CD163L1: variants seen among roughly 807,000 people sequenced by gnomAD.
CD163L1 encodes the protein CD163 molecule like 1, also known as scavenger receptor cysteine-rich type 1 protein M160.
In CD163L1, 124 loss-of-function variants were observed where a neutral mutation model predicts 165.4. That is an observed-to-expected ratio of 0.75 (90% CI 0.65 to 0.87). The LOEUF is 0.87. CD163L1 is among the 40% of genes least tolerant of loss of function. CD163L1 has a pLI of 0.00. For synonymous variants in CD163L1, 585 were observed against 662.2 expected (o/e 0.88, Z 1.79); for missense variants, 1,525 against 1,799.9 (o/e 0.85, Z 2.76).
the CD163L1 span, among the ~76,000 whole-genome samples, chr12:7,340,071 G>A: frequency 0.058 from 8,866 of 152,122 alleles, 311 homozygotes; most frequent in African/African-American, 0.096. Context: ...CTTTTCTGCT[G>A]TCTTTTTGGC....
chr12:7,415,183 CAT>C (rs1948212241), intron 4 of CD163L1, among the ~76,000 whole-genome samples: 1 of 151,948 alleles, frequency 6.6e-6, no homozygotes, highest in South Asian at 2.1e-4. Context: ...ACATGAACAA[CAT>C]AATCAATAAA....
the CD163L1 span, among the ~76,000 whole-genome samples, chr12:7,334,743 C>T: frequency 3.3e-5 from 5 of 152,178 alleles, no homozygotes; most frequent in Admixed American, 2.0e-4. Context: ...TAGAAAACCC[C>T]ATTGTCTCAG....
intron 13 of CD163L1, 30 bp from the exon 14 acceptor site, chr12:7,373,670 A>G: frequency 1.3e-6 from 2 of 1,521,368 alleles, no homozygotes; most frequent in South Asian, 1.3e-5. Flanking sequence ...TTAGTATTAA[A>G]TATTTCCTTT....
At chr12:7,440,753 A>G (rs1948821378) in intron 2 of CD163L1, among the ~76,000 whole-genome samples, 1 of 151,490 alleles carries the variant, frequency 6.6e-6, no homozygotes, top group Non-Finnish European at 1.5e-5. Context: ...CAGCCCCCCA[A>G]GTAGCTGGGG....
intron 4 of CD163L1, among the ~76,000 whole-genome samples, chr12:7,421,727 A>G (rs1948440820): frequency 8.8e-6 from 1 of 113,992 alleles, no homozygotes; most frequent in South Asian, 3.1e-4. Context: ...ATACGTATAT[A>G]TGTATATATG....
chr12:7,398,290 C>G lies in CD163L1; in HGVS notation c.1703G>C (p.Arg568Thr). The G allele has an allele frequency of 6.2e-7, 1 of 1,613,840 alleles. No individual in the cohort carries two copies. Reference protein sequence around the residue: ...SGWGKHNCVHREDVIVTCSGD... With the variant: ...SGWGKHNCVHTEDVIVTCSGD... ...TGAGCAGGTTACAATCACATCCTCT[C>G]TGTGTACACAATTATGCTTTCCCCA... Residue 568 changes from arginine (R) to threonine (T), a missense_variant, in exon 7 of 20, where the codon AGA (arginine) becomes ACA (threonine). By Grantham distance (71) the Arg-to-Thr change is moderately conservative (BLOSUM62 -1). Transcript: ENST00000313599. This position sits in a 1 kb window ranked among gnomAD's most constrained non-coding sequence, Gnocchi z 4.5.
the CD163L1 span, among the ~76,000 whole-genome samples, chr12:7,326,775 T>C: frequency 6.6e-6 from 1 of 152,210 alleles, no homozygotes; most frequent in Non-Finnish European, 1.5e-5. Context: ...CTCACACTCA[T>C]AAACCACTTA....
chr12:7,324,275 C>T, the CD163L1 span: 1 of 1,611,868 alleles, frequency 6.2e-7, no homozygotes, highest in South Asian at 1.1e-5. Flanking sequence ...GTTCCCAGGA[C>T]AATCCACAGA....
chr12:7,351,079 TAA>T (rs1243905576), downstream of CD163L1, among the ~76,000 whole-genome samples: 10 of 152,166 alleles, frequency 6.6e-5, no homozygotes, highest in Admixed American at 1.3e-4. Context: ...GCATTGAACT[TAA>T]TTGTCATGTC....
chr12:7,374,524 C>T lies in CD163L1; in HGVS notation c.3327G>A (p.Glu1109=). Residue 1109 remains glutamate (E), a synonymous_variant, in exon 13 of 20, where the codon GAG becomes GAA. Coordinates refer to ENST00000313599, the MANE Select transcript of CD163L1 (RefSeq NM_174941.6). The surrounding 1 kb of genome is among the most constrained non-coding windows in gnomAD (Gnocchi z 5.4). ...WLDDLNCTGM[E]SHLWQCPSRG... is the part of the protein sequence containing the mutation. ...GGGAAGGGCACTGCCACAAGTGGGA[C>T]TCCATTCCTGTGCAGTTCAGGTCAT... is the stretch of plus-strand genomic sequence containing the variant. 4 of 1,614,216 alleles carry T rather than the reference C, an allele frequency of 2.5e-6. No individual in the cohort carries two copies. Among genetic ancestry groups the T allele is most frequent in the Non-Finnish European group, 3.4e-6 (4 of 1,180,034 alleles).
chr12:7,357,575 G>A, intron 18 of CD163L1, 89 bp from the exon 19 acceptor site: 2 of 1,060,600 alleles, frequency 1.9e-6, no homozygotes, highest in Non-Finnish European at 1.4e-6. Flanking sequence ...TGATCAGCTG[G>A]GAAAGTATAA....
the CD163L1 span, among the ~76,000 whole-genome samples, chr12:7,329,726 A>G: frequency 6.6e-6 from 1 of 152,144 alleles, no homozygotes; most frequent in Non-Finnish European, 1.5e-5. Context: ...ACATGCTCAA[A>G]TGTCAGTAAA....
chr12:7,361,867 T>A (rs1204426427), intron 18 of CD163L1, among the ~76,000 whole-genome samples: 1 of 152,074 alleles, frequency 6.6e-6, no homozygotes, highest in African/African-American at 2.4e-5. Flanking sequence ...AAATTCTTTT[T>A]ATCTTGCAAA....
In CD163L1 at chr12:7,369,302, G is replaced by C. The variant is rs1947094041; in HGVS notation, c.4039+55C>G. The C allele has an allele frequency of 6.5e-7, 1 of 1,538,556 alleles. No individual in the cohort carries two copies. The highest frequency in any genetic ancestry group is 8.9e-7 in the Non-Finnish European group (1 of 1,124,342). ...ACTCTCTGAGTGAGCCTGTTTCCCA[G>C]TGTTCTCTACCATTAGTGGGAGGCT... On this transcript the variant is annotated intron_variant, in intron 15 of 19. Transcript: ENST00000313599. This position sits in a 1 kb window ranked among gnomAD's most constrained non-coding sequence, Gnocchi z 4.9.
downstream of CD163L1, among the ~76,000 whole-genome samples, chr12:7,343,597 C>T (rs916686267): frequency 6.6e-6 from 1 of 152,108 alleles, no homozygotes; most frequent in African/African-American, 2.4e-5. Flanking sequence ...GGAGGTGCCA[C>T]AAACTTTTAA....
chr12:7,421,505 A>ATATG lies in CD163L1; in HGVS notation c.766+10910_766+10911insCATA, dbSNP rs1196588752. On this transcript the variant is annotated intron_variant, in intron 4 of 19. Transcript: ENST00000313599. ...TGTACATATATACATATATGTACAT[A>ATATG]TACATATACATATATGTACATATAT... Among the ~76,000 whole-genome samples, 13 of 89,272 alleles carry ATATG rather than the reference A, an allele frequency of 1.5e-4. 1 individual carries two copies. Among genetic ancestry groups the ATATG allele is most frequent in the South Asian group, 7.2e-4 (2 of 2,764 alleles). 58.6% of individuals were successfully genotyped at this position (89,272 alleles called of 152,430 possible).
intron 8 of CD163L1, among the ~76,000 whole-genome samples, chr12:7,391,765 G>A (rs7308675): frequency 0.12 from 18,746 of 152,102 alleles, 1,664 homozygotes; most frequent in African/African-American, 0.24. Context: ...AAGAGCAGGG[G>A]TTGTAATCCT....
At chr12:7,373,711 AT>A in intron 13 of CD163L1, 71 bp from the exon 14 acceptor site, 2 of 1,329,978 alleles carry the variant, frequency 1.5e-6, no homozygotes, top group Non-Finnish European at 2.1e-6. Context: ...CAAGGAATCC[AT>A]TTTTCCCATG....
At chr12:7,327,963 A>G in the CD163L1 span, among the ~76,000 whole-genome samples, 12 of 152,150 alleles carry the variant, frequency 7.9e-5, no homozygotes, top group African/African-American at 2.9e-4. Flanking sequence ...TTCTTTTTGT[A>G]TTTAGCTGTA....
Sources: allele counts gnomAD v4.1 joint callset (sites outside exome capture counted in the v4.1 genomes callset), GRCh38; gene constraint gnomAD v4.1.1; non-coding constraint Gnocchi (gnomAD v3.1); transcripts MANE v1.5; gene names NCBI Gene and HGNC (gene_info 2026-07-23, HGNC 2026-07-21).